The following CFAP161 variants were observed in gnomAD, a reference collection of about 807,000 sequenced individuals.
CFAP161 encodes cilia and flagella associated protein 161, also known as cilia- and flagella-associated protein 161.
A neutral mutation model predicts 29.0 loss-of-function variants in CFAP161; 25 were observed. The ratio of observed to expected loss-of-function variants is 0.86; its 90% confidence interval spans 0.63 to 1.20. The LOEUF is 1.20. CFAP161 is among the 50% of genes most tolerant of loss of function. The pLI is 0.00. For missense variants in CFAP161, 367 were observed against 371.9 expected (o/e 0.99, Z 0.11); for synonymous variants, 116 against 137.4 (o/e 0.84, Z 1.09).
intron 5 of CFAP161, among the ~76,000 whole-genome samples, chr15:81,147,187 AT>A (rs1224870947): frequency 6.6e-6 from 1 of 151,934 alleles, no homozygotes; most frequent in Non-Finnish European, 1.5e-5. Flanking sequence ...TAAAATGTGT[AT>A]TTGGTGAACA....
upstream of CFAP161, chr15:81,134,099 C>T: frequency 3.8e-6 from 2 of 530,820 alleles, no homozygotes; most frequent in Non-Finnish European, 6.8e-6. Context: ...CTCTCGCCCA[C>T]CCTGCAGTTA....
intron 4 of CFAP161, among the ~76,000 whole-genome samples, chr15:81,143,440 G>A (rs1399971442): frequency 6.6e-6 from 1 of 152,170 alleles, no homozygotes; most frequent in Non-Finnish European, 1.5e-5. Context: ...AAAAGTAGTT[G>A]GAGATGTGAG....
At chr15:81,118,316 A>T in intron 1 of CFAP161, 1 of 476,632 alleles carries the variant, frequency 2.1e-6, no homozygotes, top group Non-Finnish European at 3.9e-6. Flanking sequence ...TTTGATTTGC[A>T]GTTGTCCAAG....
chr15:81,127,135 C>CT (rs534043011), intron 1 of CFAP161, among the ~76,000 whole-genome samples: 30 of 152,284 alleles, frequency 2.0e-4, no homozygotes, highest in Non-Finnish European at 3.8e-4. Flanking sequence ...CATTCTGTTT[C>CT]TTATTAATCT....
intron 1 of CFAP161, among the ~76,000 whole-genome samples, chr15:81,112,950 T>C (rs1415602557): frequency 6.6e-6 from 1 of 152,234 alleles, no homozygotes; most frequent in Non-Finnish European, 1.5e-5. Flanking sequence ...CAATAATGTA[T>C]GAGTGCATTT....
intron 4 of CFAP161, among the ~76,000 whole-genome samples, chr15:81,142,601 G>T (rs1008775022): frequency 2.0e-5 from 3 of 152,178 alleles, no homozygotes; most frequent in Admixed American, 1.3e-4. Flanking sequence ...GCTGCATGCA[G>T]GTGCTTCCCA....
upstream of CFAP161, among the ~76,000 whole-genome samples, chr15:81,133,205 A>G (rs1198024229): frequency 1.9e-3 from 101 of 52,966 alleles, 3 homozygotes; most frequent in African/African-American, 6.8e-3. Context: ...ATATATATAT[A>G]TATATATATA....
At chr15:81,139,502 A>G (rs1379509816) in intron 4 of CFAP161, among the ~76,000 whole-genome samples, 2 of 152,172 alleles carry the variant, frequency 1.3e-5, no homozygotes, top group Admixed American at 1.3e-4. Flanking sequence ...TAAAACTTAG[A>G]TAAATATACA....
intron 5 of CFAP161, 54 bp downstream of exon 5, chr15:81,143,874 T>C: frequency 1.3e-6 from 2 of 1,570,582 alleles, no homozygotes; most frequent in Non-Finnish European, 1.7e-6. Flanking sequence ...TGGATGCAAT[T>C]TATTCCTGTC....
At position 81,105,162 on chromosome 15, in the gene CFAP161, T is replaced by TCCC. The variant is rs1567149895; in HGVS notation, c.-141-22428_-141-22427insCCC. Among the ~76,000 whole-genome samples, 139 of 31,466 alleles carry TCCC rather than the reference T, an allele frequency of 4.4e-3. 5 individuals are homozygous for TCCC. Among genetic ancestry groups the TCCC allele is most frequent in the African/African-American group, 9.0e-3 (73 of 8,144 alleles). The allele number at this position is 31,466 out of a possible 152,430, so 20.6% of individuals were successfully genotyped here. ...TCCCCTCCCTCCCTCCCTCCCTCCC[T>TCCC]TCCTTCCTCCCTCCCTTCCTTTTTT... On this transcript the variant is annotated intron_variant, in intron 1 of 4. Coordinates refer to the CFAP161 transcript ENST00000560091.
chr15:81,147,516 A>G (rs771921434), intron 5 of CFAP161, among the ~76,000 whole-genome samples: 2 of 152,150 alleles, frequency 1.3e-5, no homozygotes, highest in Non-Finnish European at 2.9e-5. Flanking sequence ...CCTACTACAC[A>G]CCAAGGCTAC....
chr15:81,108,940 A>G (rs1186864643), intron 1 of CFAP161, among the ~76,000 whole-genome samples: 1 of 152,182 alleles, frequency 6.6e-6, no homozygotes, highest in Non-Finnish European at 1.5e-5. Context: ...TCGGAAACAA[A>G]AAGAGGTCAG....
At chr15:81,146,378 G>A (rs1895005998) in intron 5 of CFAP161, among the ~76,000 whole-genome samples, 1 of 152,148 alleles carries the variant, frequency 6.6e-6, no homozygotes. Flanking sequence ...ATTACCAGTA[G>A]TTCCATTTCC....
intron 1 of CFAP161, among the ~76,000 whole-genome samples, chr15:81,103,848 A>G (rs886413655): frequency 1.3e-5 from 2 of 152,078 alleles, no homozygotes; most frequent in Non-Finnish European, 2.9e-5. Context: ...TTCTGACACT[A>G]TCTCCGGATA....
chr15:81,133,223 A>ATTT (rs1555449903), upstream of CFAP161, among the ~76,000 whole-genome samples: 3 of 25,708 alleles, frequency 1.2e-4, no homozygotes, highest in African/African-American at 3.6e-4. Context: ...ATATATATAT[A>ATTT]TGTATTTTTT....
intron 1 of CFAP161, among the ~76,000 whole-genome samples, chr15:81,122,737 C>T (rs1894590957): frequency 6.6e-6 from 1 of 152,044 alleles, no homozygotes; most frequent in Middle Eastern, 3.2e-3. Flanking sequence ...AGGAATCTGC[C>T]TGCCTCACCC....
chr15:81,119,308 TAAC>T (rs1439155890), intron 1 of CFAP161, among the ~76,000 whole-genome samples: 1 of 152,178 alleles, frequency 6.6e-6, no homozygotes, highest in Non-Finnish European at 1.5e-5. Context: ...TATTTTAAGA[TAAC>T]AACCAGAATC....
chr15:81,136,138 A>G (rs908296682), intron 2 of CFAP161, among the ~76,000 whole-genome samples: 1 of 152,254 alleles, frequency 6.6e-6, no homozygotes, highest in African/African-American at 2.4e-5. Context: ...AATTCTTCTA[A>G]GATTTTAGAA....
intron 1 of CFAP161, among the ~76,000 whole-genome samples, chr15:81,110,378 G>A (rs77884032): frequency 6.6e-6 from 1 of 152,082 alleles, no homozygotes; most frequent in Admixed American, 6.5e-5. Context: ...TAGAATAAAT[G>A]ACTTGAAGCC....
Sources: gnomAD v4.1 joint callset for allele counts (sites outside exome capture counted in the v4.1 genomes callset) on GRCh38, gnomAD v4.1.1 for gene constraint, MANE v1.5 for transcripts, NCBI Gene and HGNC (gene_info 2026-07-23, HGNC 2026-07-21) for gene names.